SH3RF3: variants seen among roughly 807,000 people sequenced by gnomAD.
The protein encoded by SH3RF3 is SH3 domain containing ring finger 3, also known as E3 ubiquitin-protein ligase SH3RF3.
SH3RF3 carries 29 observed loss-of-function variants against 66.3 expected under a neutral mutation model. The ratio of observed to expected loss-of-function variants is 0.44; its 90% CI spans 0.33 to 0.60. SH3RF3 has a LOEUF of 0.60. SH3RF3 is among the 20% of genes least tolerant of loss of function. The pLI, the probability that SH3RF3 is intolerant of heterozygous loss-of-function variation, is 0.04. For synonymous variants in SH3RF3, 583 were observed against 532.0 expected (o/e 1.10, Z -1.32); for missense variants, 1,194 against 1,190.9 (o/e 1.00, Z -0.04).
chr2:109,472,943 T>G (rs1678562765), intron 8 of SH3RF3, among the ~76,000 whole-genome samples: 1 of 152,170 alleles, frequency 6.6e-6, no homozygotes, highest in Non-Finnish European at 1.5e-5. Context: ...TTTGAAGCAA[T>G]TTTAAATGAA....
At chr2:109,264,348 T>C (rs1387667166) in intron 1 of SH3RF3, among the ~76,000 whole-genome samples, 2 of 143,492 alleles carry the variant, frequency 1.4e-5, no homozygotes, top group Non-Finnish European at 3.0e-5. Context: ...CAGGATCCAC[T>C]CCGAGTCTGT....
intron 1 of SH3RF3, among the ~76,000 whole-genome samples, chr2:109,157,833 C>T (rs963661835): frequency 7.2e-5 from 11 of 152,118 alleles, no homozygotes; most frequent in South Asian, 2.1e-4. Context: ...GGGAGGAGCA[C>T]TGCAAAGCAT....
At chr2:109,427,653 T>C (rs1173476955) in intron 5 of SH3RF3, among the ~76,000 whole-genome samples, 1 of 152,180 alleles carries the variant, frequency 6.6e-6, no homozygotes, top group Non-Finnish European at 1.5e-5. Flanking sequence ...AGACATCAGC[T>C]CCTAAGCTGG....
intron 1 of SH3RF3, among the ~76,000 whole-genome samples, chr2:109,283,632 A>G: frequency 6.6e-6 from 1 of 152,218 alleles, no homozygotes; most frequent in Non-Finnish European, 1.5e-5. Context: ...AGGGAGCTGT[A>G]CTGTACTGTG....
intron 1 of SH3RF3, among the ~76,000 whole-genome samples, chr2:109,160,488 C>A (rs111899429): frequency 6.6e-6 from 1 of 152,346 alleles, no homozygotes; most frequent in East Asian, 1.9e-4. Context: ...AGCTGAAAGA[C>A]CCTCTGGCAG....
At chr2:109,189,621 C>G (rs1365511902) in intron 1 of SH3RF3, among the ~76,000 whole-genome samples, 2 of 152,140 alleles carry the variant, frequency 1.3e-5, no homozygotes, top group African/African-American at 4.8e-5. Context: ...CCCTCCTTGG[C>G]CTCCCAAAGT....
intron 8 of SH3RF3, among the ~76,000 whole-genome samples, chr2:109,453,752 T>C (rs901191724): frequency 1.3e-5 from 2 of 152,098 alleles, no homozygotes; most frequent in African/African-American, 4.8e-5. Context: ...AAACAGGCGA[T>C]TGATTGCAGG....
intron 1 of SH3RF3, among the ~76,000 whole-genome samples, chr2:109,191,537 G>C (rs1678363721): frequency 6.6e-6 from 1 of 152,216 alleles, no homozygotes; most frequent in African/African-American, 2.4e-5. Flanking sequence ...CCCCTCCTGA[G>C]AGTCTGCTCA....
At chr2:109,391,227 A>G (rs867967150) in intron 3 of SH3RF3, among the ~76,000 whole-genome samples, 1 of 152,242 alleles carries the variant, frequency 6.6e-6, no homozygotes. Flanking sequence ...CCTGCGTTTT[A>G]AACTTCAGTT....
At chr2:109,197,407 C>T (rs997075263) in intron 1 of SH3RF3, among the ~76,000 whole-genome samples, 2 of 152,168 alleles carry the variant, frequency 1.3e-5, no homozygotes, top group African/African-American at 2.4e-5. Flanking sequence ...TGTTTGTCCT[C>T]GGGCTGGTGG....
At chr2:109,180,920 C>T (rs944324271) in intron 1 of SH3RF3, among the ~76,000 whole-genome samples, 1 of 152,224 alleles carries the variant, frequency 6.6e-6, no homozygotes, top group Admixed American at 6.5e-5. Context: ...GAGAGCTCTG[C>T]AGTGGGATTT....
At chr2:109,383,087 C>T (rs1040036240) in intron 3 of SH3RF3, among the ~76,000 whole-genome samples, 6 of 152,194 alleles carry the variant, frequency 3.9e-5, no homozygotes, top group African/African-American at 1.2e-4. Flanking sequence ...GCCCTGAGGG[C>T]GGGCCCTGGC....
At chr2:109,383,523 T>C (rs1675749091) in intron 3 of SH3RF3, among the ~76,000 whole-genome samples, 1 of 152,204 alleles carries the variant, frequency 6.6e-6, no homozygotes, top group Non-Finnish European at 1.5e-5. Flanking sequence ...TAATACTTTC[T>C]GTTTCCAATG....
At chr2:109,303,240 A>C (rs896219683) in intron 1 of SH3RF3, among the ~76,000 whole-genome samples, 3 of 152,216 alleles carry the variant, frequency 2.0e-5, no homozygotes, top group Non-Finnish European at 4.4e-5. Context: ...CTTGGCCCCA[A>C]CAGGATCTGA....
chr2:109,158,207 C>T lies in SH3RF3; in HGVS notation c.573+28094C>T, dbSNP rs138616843. Among the ~76,000 whole-genome samples, 11 of 152,298 alleles carry T rather than the reference C, an allele frequency of 7.2e-5. No individual in the cohort carries two copies. In the East Asian group the frequency reaches 1.4e-3, roughly 19 times the overall value. On this transcript the variant is annotated intron_variant, in intron 1 of 9. Coordinates refer to ENST00000309415, the MANE Select transcript of SH3RF3 (RefSeq NM_001099289.3). The stretch of plus-strand genomic sequence containing the variant: ...CAAGCTGTGCTGGGAAATGATTGCT[C>T]TGGGGAGGACACTGTCCTCAGGCTC...
rs989424673 is a variant in SH3RF3 at position 109,205,221 on chromosome 2, T to TA, written c.573+75110dup. On this transcript the variant is annotated intron_variant, in intron 1 of 9. Coordinates refer to ENST00000309415, the MANE Select transcript of SH3RF3 (RefSeq NM_001099289.3). ...AACTCCGTCTCTAAAAATAAATAAA[T>TA]AATAAAATAAGATAAAAAAAATTAG... 9.0e-4 allele frequency among the ~76,000 whole-genome samples: 135 copies of TA among 149,564 alleles called. 1 individual carries two copies. The highest frequency in any genetic ancestry group is 3.1e-3 in the African/African-American group (127 of 40,800).
At chr2:109,346,175 C>G (rs1206009846) in intron 1 of SH3RF3, among the ~76,000 whole-genome samples, 1 of 152,130 alleles carries the variant, frequency 6.6e-6, no homozygotes, top group Non-Finnish European at 1.5e-5. Flanking sequence ...TTATTGGAAG[C>G]AAACGGATTT....
intron 1 of SH3RF3, among the ~76,000 whole-genome samples, chr2:109,340,674 A>G (rs987249132): frequency 4.6e-5 from 7 of 152,116 alleles, no homozygotes; most frequent in African/African-American, 1.4e-4. Flanking sequence ...CATTGTTTTT[A>G]TAGCTCCTTT....
At chr2:109,499,570 G>C (rs1436356034) in intron 9 of SH3RF3, among the ~76,000 whole-genome samples, 1 of 152,210 alleles carries the variant, frequency 6.6e-6, no homozygotes, top group Non-Finnish European at 1.5e-5. Flanking sequence ...GGGAGGCCCA[G>C]CTAGTGGGAG....
Sources: allele counts gnomAD v4.1 joint callset (sites outside exome capture counted in the v4.1 genomes callset), GRCh38; gene constraint gnomAD v4.1.1; transcripts MANE v1.5; gene names NCBI Gene and HGNC (gene_info 2026-07-23, HGNC 2026-07-21).